DEF6: variants seen among roughly 807,000 people sequenced by gnomAD.
DEF6 encodes differentially expressed in FDCP 6 homolog.
In DEF6, 32 loss-of-function variants were observed where a neutral mutation model predicts 80.5. The ratio of observed to expected loss-of-function variants is 0.40; its 90% CI spans 0.30 to 0.53. The LOEUF (loss-of-function observed/expected upper bound fraction) is 0.53, where lower values mean the gene tolerates loss of function less well. Ranked by LOEUF, DEF6 falls within the 20% of genes least tolerant of loss-of-function variation. The pLI, the probability that DEF6 is intolerant of heterozygous loss-of-function variation, is 0.57. For synonymous variants in DEF6, 300 were observed against 337.9 expected (o/e 0.89, Z 1.23); for missense variants, 575 against 818.7 (o/e 0.70, Z 3.63).
At position 35,321,451 on chromosome 6, in the gene DEF6, A is replaced by G. The variant is rs1791592330; in HGVS notation, c.*41A>G. On this transcript the variant is annotated 3_prime_UTR_variant, in exon 11 of 11. Coordinates refer to ENST00000316637, the MANE Select transcript of DEF6 (RefSeq NM_022047.4). Reference sequence around the variant, plus strand: ...TGTTCTTCCCAATGTCATATCCACCAGGACCTGGCCACAGCTGGCCTGTGG... The same window carrying G: ...TGTTCTTCCCAATGTCATATCCACCGGGACCTGGCCACAGCTGGCCTGTGG... The G allele has an allele frequency of 1.9e-6, 3 of 1,575,182 alleles. No homozygotes were observed. The highest frequency in any genetic ancestry group is 2.7e-5 in the African/African-American group (2 of 74,238).
intron 1 of DEF6, among the ~76,000 whole-genome samples, chr6:35,307,735 A>AAAT (rs1229274332): frequency 6.6e-6 from 1 of 152,182 alleles, no homozygotes; most frequent in African/African-American, 2.4e-5. Flanking sequence ...GAAAAAAAGG[A>AAAT]AATACTCCCT....
At chr6:35,315,847 CTTTT>C (rs1159503411) in intron 5 of DEF6, among the ~76,000 whole-genome samples, 3 of 113,814 alleles carry the variant, frequency 2.6e-5, no homozygotes, top group African/African-American at 7.5e-5. Flanking sequence ...GTTGGAGTCC[CTTTT>C]TTTTTTTTTT....
rs377491397 is a variant in DEF6, at chr6:35,318,126, C to T, written c.917-47C>T. 3.2e-5 allele frequency: 49 copies of T among 1,533,032 alleles called. No individual in the cohort carries two copies. The African/African-American group carries it at 5.5e-4, about 17-fold the overall frequency. The allele number at this position is 1,533,032 out of a possible 1,614,324, so 95.0% of individuals were successfully genotyped here. A position where few individuals can be genotyped will look rare whatever the true frequency, so the allele number is the denominator to read the frequency against. On this transcript the variant is annotated intron_variant, in intron 6 of 10. Transcript: ENST00000316637. The surrounding 1 kb of genome is among the most constrained non-coding windows in gnomAD (Gnocchi z 5.1). The stretch of plus-strand genomic sequence containing the variant: ...CTCGGGAAACTCCTAAGGCCCCTTT[C>T]GGGCCGTGTGCGAGGATCCTACTGA...
At chr6:35,321,053 C>G in intron 10 of DEF6, 79 bp downstream of exon 10, 2 of 1,540,846 alleles carry the variant, frequency 1.3e-6, no homozygotes, top group Non-Finnish European at 1.8e-6. Flanking sequence ...TGGGAGACCT[C>G]CAGATCTCCC....
chr6:35,316,771 G>T (rs967165254), intron 5 of DEF6, among the ~76,000 whole-genome samples: 7 of 152,114 alleles, frequency 4.6e-5, no homozygotes, highest in African/African-American at 1.4e-4. Flanking sequence ...CATGGTGAAA[G>T]ATCTATACTC....
rs191426857 is a variant in DEF6, at chr6:35,305,718, G to A, written c.97-3952G>A. On this transcript the variant is annotated intron_variant, in intron 1 of 10. Coordinates refer to ENST00000316637, the MANE Select transcript of DEF6 (RefSeq NM_022047.4). ...CCTCCCTGTAACTGGGATTACAGCC[G>A]CCTGCCATCACACCCAGCTAATTTT... Among the ~76,000 whole-genome samples the A allele has an allele frequency of 1.1e-4, 16 of 151,258 alleles. 1 individual carries two copies. The highest frequency in any genetic ancestry group is 2.6e-4 in the Admixed American group (4 of 15,180).
At position 35,312,177 on chromosome 6, in the gene DEF6, C is replaced by T; in HGVS notation, c.424-125C>T. Reference sequence around the variant, plus strand: ...GCTCCATAACATTCGGTCCTCTGGCCCCCTCAACGCTCTGTCCCCTGTTTC... The same window carrying T: ...GCTCCATAACATTCGGTCCTCTGGCTCCCTCAACGCTCTGTCCCCTGTTTC... On this transcript the variant is annotated intron_variant, in intron 3 of 10. Transcript: ENST00000316637. The surrounding 1 kb of genome is among the most constrained non-coding windows in gnomAD (Gnocchi z 6.6). The T allele has an allele frequency of 1.3e-6, 1 of 758,760 alleles. No homozygotes were observed. Among genetic ancestry groups the T allele is most frequent in the Non-Finnish European group, 2.1e-6 (1 of 470,794 alleles). 47.0% of individuals were successfully genotyped at this position (758,760 alleles called of 1,614,324 possible).
intron 1 of DEF6, among the ~76,000 whole-genome samples, chr6:35,303,814 T>C (rs569958428): frequency 4.7e-4 from 71 of 150,424 alleles, no homozygotes; most frequent in African/African-American, 1.7e-3. Flanking sequence ...CTGGGCAACA[T>C]AGTGAAAGCC....
In DEF6 at chr6:35,318,232, A is replaced by T. The variant is rs1791545233; in HGVS notation, c.976A>T (p.Lys326Ter). ...GAAGACGTCCCTACACAAGGACCTGAAGCAGAAACGGCGCGAGCAGCGGGA... is the reference window on the plus strand; with the variant it reads ...GAAGACGTCCCTACACAAGGACCTGTAGCAGAAACGGCGCGAGCAGCGGGA... Reference protein sequence around the residue: ...EGKTSLHKDLKQKRREQREQR... With the variant: ...EGKTSLHKDL The change falls in exon 7 of 11, where the codon AAG becomes TAG. Residue 326 changes from lysine (K) to a stop codon, truncating the protein, a stop_gained. Transcript: ENST00000316637. LOFTEE classifies it high-confidence loss of function. This position sits in a 1 kb window ranked among gnomAD's most constrained non-coding sequence, Gnocchi z 5.1. The T allele has an allele frequency of 6.3e-7, 1 of 1,598,612 alleles. No homozygotes were observed. The highest frequency in any genetic ancestry group is 1.4e-5 in the African/African-American group (1 of 73,996).
chr6:35,320,157 T>C lies in DEF6; in HGVS notation c.1581+140T>C, dbSNP rs1582235375. ...GACTTTGGACAAATGCCCAAACTTC[T>C]TGGAGTTAGTCTCTCACCTGGGAAA... On this transcript the variant is annotated intron_variant, in intron 9 of 10. Transcript: ENST00000316637. 4.0e-6 allele frequency: 3 copies of C among 755,706 alleles called. No homozygotes were observed. The South Asian group carries it at 5.5e-5, about 14-fold the overall frequency. The allele number at this position is 755,706 out of a possible 1,614,324, so 46.8% of individuals were successfully genotyped here.
chr6:35,305,573 T>C (rs757146767), intron 1 of DEF6, among the ~76,000 whole-genome samples: 4 of 151,894 alleles, frequency 2.6e-5, no homozygotes, highest in Non-Finnish European at 4.4e-5. Flanking sequence ...GGGGTGTGTG[T>C]GTGTATGTGT....
intron 1 of DEF6, among the ~76,000 whole-genome samples, chr6:35,307,476 G>T (rs1013660897): frequency 3.3e-5 from 5 of 152,240 alleles, no homozygotes; most frequent in Non-Finnish European, 7.3e-5. Context: ...TTGAACACTT[G>T]TCACTTCAGA....
rs539849075 is a variant in DEF6, at chr6:35,312,408, G to T, written c.530G>T (p.Gly177Val). ...AQEAQVAQTTGGLSVWQFLEL... is the reference protein window; with the variant it reads ...AQEAQVAQTTVGLSVWQFLEL... ...GAGGCCCAGGTGGCCCAGACCACCG[G>T]GGGGCTCAGCGTCTGGCAGTTCCTG... The change falls in exon 4 of 11, where the codon GGG becomes GTG. Residue 177 changes from glycine to valine, a missense_variant. Transcript: ENST00000316637. This position sits in a 1 kb window ranked among gnomAD's most constrained non-coding sequence, Gnocchi z 6.6. The T allele has an allele frequency of 6.2e-7, 1 of 1,614,052 alleles. No individual in the cohort carries two copies. Among genetic ancestry groups the T allele is most frequent in the African/African-American group, 1.3e-5 (1 of 74,942 alleles).
chr6:35,299,909 G>C (rs2150384211), intron 1 of DEF6, among the ~76,000 whole-genome samples: 1 of 152,276 alleles, frequency 6.6e-6, no homozygotes, highest in African/African-American at 2.4e-5. Flanking sequence ...AGGAGTAATA[G>C]AGAAGTGGTC....
chr6:35,309,002 G>A (rs1791428777), intron 1 of DEF6, among the ~76,000 whole-genome samples: 1 of 152,242 alleles, frequency 6.6e-6, no homozygotes, highest in East Asian at 1.9e-4. Context: ...TCCCTTCTAA[G>A]CCTTGCCCTC....
In DEF6 at chr6:35,312,696, G is replaced by A; in HGVS notation, c.731G>A (p.Cys244Tyr). ...CGCTGGTTCCAGCTGCAGCCCAGCTGCCTCTGCTACTTTGGGAGTGAAGAG... is the reference window on the plus strand; with the variant it reads ...CGCTGGTTCCAGCTGCAGCCCAGCTACCTCTGCTACTTTGGGAGTGAAGAG... ...AERWFQLQPS[C>Y]LCYFGSEECK... Residue 244 changes from cysteine (C) to tyrosine (Y), a missense_variant, in exon 5 of 11, where the codon TGC becomes TAC. Physicochemically the swap from Cys to Tyr is radical, Grantham distance 194 (BLOSUM62 -2). Coordinates refer to ENST00000316637, the MANE Select transcript of DEF6 (RefSeq NM_022047.4). The surrounding 1 kb of genome is among the most constrained non-coding windows in gnomAD (Gnocchi z 6.6). The A allele has an allele frequency of 6.2e-7, 1 of 1,613,522 alleles. No individual in the cohort carries two copies. Among genetic ancestry groups the A allele is most frequent in the South Asian group, 1.1e-5 (1 of 90,958 alleles).
In DEF6 at chr6:35,319,181, T is replaced by C. The variant is rs933471177; in HGVS notation, c.1216-343T>C. 6.6e-6 allele frequency among the ~76,000 whole-genome samples: 1 copy of C among 151,852 alleles called. No homozygotes were observed. Among genetic ancestry groups the C allele is most frequent in the African/African-American group, 2.4e-5 (1 of 41,332 alleles). Reference sequence around the variant, plus strand: ...GCCATGATTATAACATATTATTATATATTATAATAATTATTAAGTTAGTGC... The same window carrying C: ...GCCATGATTATAACATATTATTATACATTATAATAATTATTAAGTTAGTGC... On this transcript the variant is annotated intron_variant, in intron 7 of 10. Coordinates refer to ENST00000316637, the MANE Select transcript of DEF6 (RefSeq NM_022047.4). This position sits in a 1 kb window ranked among gnomAD's most constrained non-coding sequence, Gnocchi z 4.5.
chr6:35,311,623 C>T (rs1353334429), intron 3 of DEF6, among the ~76,000 whole-genome samples: 3 of 152,198 alleles, frequency 2.0e-5, no homozygotes, highest in Non-Finnish European at 4.4e-5. Flanking sequence ...AAGGTGGCCT[C>T]GGAGGCCAGG....
At chr6:35,316,954 A>T (rs1417266560) in intron 5 of DEF6, among the ~76,000 whole-genome samples, 1 of 152,202 alleles carries the variant, frequency 6.6e-6, no homozygotes, top group Non-Finnish European at 1.5e-5. Context: ...ATCTTACATA[A>T]ATAGAATCAT....
Sources: gnomAD v4.1 joint callset for allele counts (sites outside exome capture counted in the v4.1 genomes callset) on GRCh38, gnomAD v4.1.1 for gene constraint, Gnocchi (gnomAD v3.1) non-coding constraint, MANE v1.5 for transcripts, NCBI Gene and HGNC (gene_info 2026-07-23, HGNC 2026-07-21) for gene names.